Variants in B4GALNT4 observed in about 807,000 individuals in gnomAD.
The protein encoded by B4GALNT4 is beta-1,4-N-acetyl-galactosaminyltransferase 4, also known as N-acetyl-beta-glucosaminyl-glycoprotein 4-beta-N-acetylgalactosaminyltransferase 1.
A neutral mutation model predicts 110.0 loss-of-function variants in B4GALNT4; 77 were observed. The ratio of observed to expected loss-of-function variants is 0.70; its 90% confidence interval spans 0.58 to 0.85. The LOEUF (loss-of-function observed/expected upper bound fraction) is 0.85, where lower values mean the gene tolerates loss of function less well. B4GALNT4 is among the 40% of genes least tolerant of loss of function. The probability of loss-of-function intolerance (pLI) is 0.00; values close to 1 mark genes in which losing one functional copy is unlikely to be tolerated. For missense variants in B4GALNT4, 1,575 were observed against 1,506.0 expected, an observed-to-expected ratio of 1.05 and a Z score of -0.76; for synonymous variants, 785 against 655.5, an observed-to-expected ratio of 1.20 and a Z score of -3.02.
Position 375,661 on chromosome 11 carries a change from C to T in B4GALNT4, c.873C>T (p.Asp291=). The T allele has an allele frequency of 6.3e-7, 1 of 1,590,942 alleles. No individual in the cohort carries two copies. Among genetic ancestry groups the T allele is most frequent in the Admixed American group, 1.7e-5 (1 of 59,674 alleles). ...LYTDESALKM[D]HVAHVPQSPA... ...CAGATGAGTCAGCCTTGAAGATGGA[C>T]CACGTGGCGCACGTCCCCCAGTCTC... Residue 291 remains aspartate (D), a synonymous_variant, in exon 10 of 20, where the codon GAC becomes GAT. Transcript: ENST00000329962.
intron 14 of B4GALNT4, among the ~76,000 whole-genome samples, chr11:378,725 C>T (rs981312693): frequency 6.3e-4 from 96 of 152,058 alleles, no homozygotes; most frequent in African/African-American, 2.1e-3. Flanking sequence ...GGTTCTTGGC[C>T]GAGTGGAATG....
chr11:373,512 A>C lies in B4GALNT4; in HGVS notation c.700A>C (p.Arg234=), dbSNP rs1295278032. The C allele has an allele frequency of 6.2e-7, 1 of 1,610,544 alleles. No individual in the cohort carries two copies. Among genetic ancestry groups the C allele is most frequent in the Non-Finnish European group, 8.5e-7 (1 of 1,179,204 alleles). ...GTTCAGCTCCCAGGTGTCCAAGCCC[A>C]GGCGGTGAGTGACTGTGGGGTGCAT... The part of the protein sequence containing the change: ...TKFSSQVSKP[R]RLMASRRYYF... Residue 234 remains arginine, a synonymous_variant, in exon 7 of 20, where the codon AGG becomes CGG. Transcript: ENST00000329962.
chr11:380,018 C>G lies in B4GALNT4; in HGVS notation c.2641C>G (p.Arg881Gly), dbSNP rs144178684. 2.3e-5 allele frequency: 37 copies of G among 1,611,468 alleles called. No homozygotes were observed. The highest frequency in any genetic ancestry group is 1.6e-4 in the East Asian group (7 of 44,846). Residue 881 changes from arginine to glycine, a missense_variant and splice_region_variant, in exon 16 of 20, where the codon CGG (arginine) becomes GGG (glycine). Arg to Gly is a moderately radical substitution (Grantham distance 125). Coordinates refer to ENST00000329962, the MANE Select transcript of B4GALNT4 (RefSeq NM_178537.5). The stretch of plus-strand genomic sequence containing the variant: ...GGCCCTGCGCGCCGCGCGCCTGCCC[C>G]GGTAACGACCCCTACTTCCACCTGG... The part of the protein sequence containing the change: ...ERALRAARLP[R>G]YQYLRRTGNF...
rs1327820936 is a variant in B4GALNT4, at chr11:369,722, G to A, written c.-82G>A. 2 of 709,668 alleles carry A rather than the reference G, an allele frequency of 2.8e-6. No homozygotes were observed. Among genetic ancestry groups the A allele is most frequent in the Admixed American group, 6.5e-5 (1 of 15,324 alleles). 44.0% of individuals were successfully genotyped at this position (709,668 alleles called of 1,614,324 possible). On this transcript the variant is annotated 5_prime_UTR_variant, in exon 1 of 20. Transcript: ENST00000329962. ...GGCGCTGAGCGCGGCGGGGCGGGCC[G>A]GGGATGCGGCGCGGGGCGGGCGGGG... is the stretch of plus-strand genomic sequence containing the variant.
Position 373,768 on chromosome 11 carries a change from G to A in B4GALNT4, c.723G>A (p.Arg241=), listed in dbSNP as rs1224746604. Residue 241 remains arginine (R), a synonymous_variant, in exon 8 of 20, where the codon AGG becomes AGA. Transcript: ENST00000329962. The stretch of plus-strand genomic sequence containing the variant: ...TCCCCAGGCTCATGGCCTCCCGGAG[G>A]TACTACTTTGAGTTGCTGCACAAGC... ...SKPRRLMASR[R]YYFELLHKQD... is the part of the protein sequence containing the mutation. The A allele has an allele frequency of 5.6e-6, 9 of 1,612,306 alleles. No homozygotes were observed. Among genetic ancestry groups the A allele is most frequent in the South Asian group, 2.2e-5 (2 of 91,084 alleles).
At position 369,891 on chromosome 11, in the gene B4GALNT4, T is replaced by C; in HGVS notation, c.88T>C (p.Tyr30His). Residue 30 changes from tyrosine to histidine, a missense_variant, in exon 1 of 20, where the codon TAC becomes CAC. Physicochemically the swap from Tyr to His is moderately conservative, Grantham distance 83. Coordinates refer to ENST00000329962, the MANE Select transcript of B4GALNT4 (RefSeq NM_178537.5). ...GCTGAGCTGCGCCGCGTGGCTCACCTACGTGCACCTGGGCCTGGTGCGCCA... is the reference window on the plus strand; with the variant it reads ...GCTGAGCTGCGCCGCGTGGCTCACCCACGTGCACCTGGGCCTGGTGCGCCA... The part of the protein sequence containing the change: ...LLLSCAAWLT[Y>H]VHLGLVRQGR... 2.0e-6 allele frequency: 2 copies of C among 990,258 alleles called. No individual in the cohort carries two copies. The highest frequency in any genetic ancestry group is 1.2e-6 in the Non-Finnish European group (1 of 834,624). The allele number at this position is 990,258 out of a possible 1,614,324, so 61.3% of individuals were successfully genotyped here. A position where few individuals can be genotyped will look rare whatever the true frequency, so the allele number is the denominator to read the frequency against.
Position 375,723 on chromosome 11 carries a change from A to C in B4GALNT4, c.935A>C (p.Glu312Ala), listed in dbSNP as rs1846732227. The change falls in exon 10 of 20, where the codon GAG (glutamate) becomes GCG (alanine). Residue 312 changes from glutamate (E) to alanine (A), a missense_variant. Glu to Ala is a moderately radical substitution (Grantham distance 107). Transcript: ENST00000329962. ...GTGGGGGGGCGTCCGCCGCAGGAGG[A>C]GACCAGCGCAGACATGCTGCGGCCA... ...SHVGGRPPQE[E>A]TSADMLRPDP... The C allele has an allele frequency of 6.3e-7, 1 of 1,595,164 alleles. No homozygotes were observed. The highest frequency in any genetic ancestry group is 1.7e-5 in the Admixed American group (1 of 59,716).
Position 377,138 on chromosome 11 carries a change from T to C in B4GALNT4, c.2015T>C (p.Leu672Pro). The C allele has an allele frequency of 6.6e-7, 1 of 1,521,316 alleles. No individual in the cohort carries two copies. The allele number at this position is 1,521,316 out of a possible 1,614,324, so 94.2% of individuals were successfully genotyped here. Residue 672 changes from leucine (L) to proline (P), a missense_variant, in exon 14 of 20, where the codon CTC becomes CCC. By Grantham distance (98) the Leu-to-Pro change is moderately conservative. Coordinates refer to ENST00000329962, the MANE Select transcript of B4GALNT4 (RefSeq NM_178537.5). ...EDSEEAAGPA[L>P]GRWREDAIDW... ...AGCGAGGAGGCCGCGGGCCCGGCGC[T>C]CGGACGCTGGCGTGAGGACGCCATC... is the stretch of plus-strand genomic sequence containing the variant.
rs1228048912 is a variant in B4GALNT4 at position 377,422 on chromosome 11, C to T, written c.2204+95C>T. 5.3e-6 allele frequency: 7 copies of T among 1,317,508 alleles called. No homozygotes were observed. In the East Asian group the frequency reaches 1.2e-4, roughly 22 times the overall value. The allele number at this position is 1,317,508 out of a possible 1,614,324, so 81.6% of individuals were successfully genotyped here. ...GCCTTGGCGGACTCCTCAGACCTTC[C>T]CCAGGGCCCAGTGGTGTACCGGCCT... On this transcript the variant is annotated intron_variant, in intron 14 of 19. Coordinates refer to ENST00000329962, the MANE Select transcript of B4GALNT4 (RefSeq NM_178537.5).
chr11:378,709 A>C (rs1489428715), intron 14 of B4GALNT4, among the ~76,000 whole-genome samples: 1 of 152,120 alleles, frequency 6.6e-6, no homozygotes, highest in Non-Finnish European at 1.5e-5. Flanking sequence ...AGTGGAGGGA[A>C]ACTGAGGTTC....
intron 9 of B4GALNT4, 45 bp downstream of exon 9, chr11:375,572 C>T: frequency 1.2e-6 from 2 of 1,604,874 alleles, no homozygotes; most frequent in Non-Finnish European, 1.7e-6. Flanking sequence ...TCGGGATGGG[C>T]TCTGGGTGTG....
At chr11:381,638 G>T (rs746732028) in intron 19 of B4GALNT4, 31 bp from the exon 20 acceptor site, 184 of 1,551,158 alleles carry the variant, frequency 1.2e-4, no homozygotes, top group Middle Eastern at 3.4e-4. Context: ...CAACCCCGGG[G>T]TCCTGACCAC....
At position 376,628 on chromosome 11, in the gene B4GALNT4, G is replaced by A. The variant is rs1456502050; in HGVS notation, c.1505G>A (p.Arg502His). ...RALSWAARAA[R>H]PLPLFLGRAP... is the part of the protein sequence containing the mutation. ...CTGAGCTGGGCCGCCAGGGCCGCCCGCCCTTTGCCGCTCTTCTTGGGCCGA... is the reference window on the plus strand; with the variant it reads ...CTGAGCTGGGCCGCCAGGGCCGCCCACCCTTTGCCGCTCTTCTTGGGCCGA... The change falls in exon 14 of 20, where the codon CGC becomes CAC. Residue 502 changes from arginine to histidine, a missense_variant. Coordinates refer to ENST00000329962, the MANE Select transcript of B4GALNT4 (RefSeq NM_178537.5). The A allele has an allele frequency of 1.4e-6, 2 of 1,411,172 alleles. No individual in the cohort carries two copies. The highest frequency in any genetic ancestry group is 1.5e-5 in the African/African-American group (1 of 65,820). The allele number at this position is 1,411,172 out of a possible 1,614,324, so 87.4% of individuals were successfully genotyped here. A position where few individuals can be genotyped will look rare whatever the true frequency, so the allele number is the denominator to read the frequency against.
Position 376,515 on chromosome 11 carries a change from AGCAGC to A in B4GALNT4, c.1393_1397del (p.Ala465ProfsTer211). The A allele has an allele frequency of 8.3e-7, 1 of 1,203,620 alleles. No individual in the cohort carries two copies. The highest frequency in any genetic ancestry group is 1.1e-6 in the Non-Finnish European group (1 of 942,872). The allele number at this position is 1,203,620 out of a possible 1,614,324, so 74.6% of individuals were successfully genotyped here. ...GGAGCGGCCCCCAGTCCCCCGCCCC[AGCAGC>A]CCCCGCCCAGCCCGGAGCCACCCTC... On this transcript the variant is annotated frameshift_variant, in exon 14 of 20. Transcript: ENST00000329962. LOFTEE classifies it high-confidence loss of function.
rs778853388 is a variant in B4GALNT4, at chr11:379,850, G to T, written c.2489-16G>T. The T allele has an allele frequency of 2.0e-6, 3 of 1,524,364 alleles. No homozygotes were observed. Among genetic ancestry groups the T allele is most frequent in the South Asian group, 1.2e-5 (1 of 85,156 alleles). 94.4% of individuals were successfully genotyped at this position (1,524,364 alleles called of 1,614,324 possible). A position where few individuals can be genotyped will look rare whatever the true frequency, so the allele number is the denominator to read the frequency against. On this transcript the variant is annotated splice_polypyrimidine_tract_variant and intron_variant, in intron 15 of 19. Coordinates refer to ENST00000329962, the MANE Select transcript of B4GALNT4 (RefSeq NM_178537.5). ...TCAGCGTCGGCTCAGCGCCCCCCCC[G>T]CCTTTTCTCCTCCAGTGAAAAACCA...
chr11:369,857 G>A lies in B4GALNT4; in HGVS notation c.54G>A (p.Leu18=). 2.0e-6 allele frequency: 2 copies of A among 996,494 alleles called. No individual in the cohort carries two copies. Among genetic ancestry groups the A allele is most frequent in the East Asian group, 1.9e-4 (2 of 10,626 alleles). The allele number at this position is 996,494 out of a possible 1,614,324, so 61.7% of individuals were successfully genotyped here. Residue 18 remains leucine, a synonymous_variant, in exon 1 of 20, where the codon CTG becomes CTA. Transcript: ENST00000329962. ...KIRKQMKLLL[L]LLLLSCAAWL... ...GTAAGCAGATGAAGCTGCTGCTGCT[G>A]CTGCTGCTGCTGAGCTGCGCCGCGT...
In B4GALNT4 at chr11:373,114, A is replaced by G; in HGVS notation, c.533A>G (p.Asp178Gly). 1 of 1,612,214 alleles carries G rather than the reference A, an allele frequency of 6.2e-7. No individual in the cohort carries two copies. Among genetic ancestry groups the G allele is most frequent in the Non-Finnish European group, 8.5e-7 (1 of 1,179,826 alleles). The stretch of plus-strand genomic sequence containing the variant: ...TTTGGTTTCATCCACCCGGCGAGGG[A>G]CGGTACGGGGGTGAGGGTGCCCCGG... ...RIFGFIHPAR[D>G]GDVQFSVASD... The change falls in exon 5 of 20, where the codon GAC (aspartate) becomes GGC (glycine). Residue 178 changes from aspartate to glycine, a missense_variant and splice_region_variant. Physicochemically the swap from Asp to Gly is moderately conservative, Grantham distance 94 (BLOSUM62 -1). Coordinates refer to ENST00000329962, the MANE Select transcript of B4GALNT4 (RefSeq NM_178537.5).
intron 8 of B4GALNT4, 59 bp from the exon 9 acceptor site, chr11:375,402 T>C: frequency 6.4e-7 from 1 of 1,571,720 alleles, no homozygotes; most frequent in Non-Finnish European, 8.7e-7. Context: ...GGGTAGACCC[T>C]TTCTTCCCTG....
rs750115590 is a variant in B4GALNT4 at position 380,452 on chromosome 11, C to A, written c.2869+7C>A. 8.2e-6 allele frequency: 13 copies of A among 1,582,232 alleles called. No individual in the cohort carries two copies. The East Asian group carries it at 9.4e-5, about 11-fold the overall frequency. ...TCGCCCCGGGACCCCCACGGTGAGG[C>A]CCCGAGCGTCCCACCCTGTGATACC... On this transcript the variant is annotated splice_region_variant and intron_variant, in intron 18 of 19. Coordinates refer to ENST00000329962, the MANE Select transcript of B4GALNT4 (RefSeq NM_178537.5).
Sources: gnomAD v4.1 joint callset for allele counts (sites outside exome capture counted in the v4.1 genomes callset) on GRCh38, gnomAD v4.1.1 for gene constraint, MANE v1.5 for transcripts, NCBI Gene and HGNC (gene_info 2026-07-23, HGNC 2026-07-21) for gene names.